GABRG3: variants seen among roughly 807,000 people sequenced by gnomAD.
The protein encoded by GABRG3 is gamma-aminobutyric acid receptor subunit gamma-3.
A neutral mutation model predicts 48.8 loss-of-function variants in GABRG3; 25 were observed. The observed-to-expected ratio is 0.51, with a 90% confidence interval of 0.37 to 0.72. The LOEUF (loss-of-function observed/expected upper bound fraction) is 0.72, where lower values mean the gene tolerates loss of function less well. Ranked by LOEUF, GABRG3 falls within the 30% of genes least tolerant of loss-of-function variation. The pLI is 0.00. For missense variants in GABRG3, 394 were observed against 577.9 expected (o/e 0.68, Z 3.26); for synonymous variants, 227 against 217.6 (o/e 1.04, Z -0.38).
intron 6 of GABRG3, among the ~76,000 whole-genome samples, chr15:27,501,021 G>C (rs1339046450): frequency 7.1e-6 from 1 of 141,366 alleles, no homozygotes; most frequent in Non-Finnish European, 1.5e-5. Context: ...GCGCGATCTC[G>C]GCTCACTGCA....
At position 27,255,007 on chromosome 15, in the gene GABRG3, C is replaced by T. The variant is rs76204600; in HGVS notation, c.271-71802C>T. On this transcript the variant is annotated intron_variant, in intron 3 of 9. Transcript: ENST00000615808. The stretch of plus-strand genomic sequence containing the variant: ...CCCTGCACCAGATGCCTCCCACGGC[C>T]ACTCTGGGCTCTGATCCCTCTGCTC... 5.3e-3 allele frequency among the ~76,000 whole-genome samples: 812 copies of T among 152,284 alleles called. 19 individuals are homozygous for T. The East Asian group carries it at 0.064, about 12-fold the overall frequency.
At chr15:27,005,525 C>T (rs28431127) in intron 2 of GABRG3, among the ~76,000 whole-genome samples, 73,842 of 152,070 alleles carry the variant, frequency 0.49, 18,641 homozygotes, top group Middle Eastern at 0.61. Context: ...ATGTTATCCT[C>T]TTTTACCCTT....
intron 3 of GABRG3, among the ~76,000 whole-genome samples, chr15:27,068,549 C>A (rs953007566): frequency 3.3e-5 from 5 of 152,254 alleles, no homozygotes; most frequent in Admixed American, 6.5e-5. Flanking sequence ...CCTCTGCTGA[C>A]AAAGCTTACT....
chr15:27,380,598 A>G (rs910033912), intron 5 of GABRG3, among the ~76,000 whole-genome samples: 1 of 152,060 alleles, frequency 6.6e-6, no homozygotes, highest in African/African-American at 2.4e-5. Context: ...GTCAGAGGCT[A>G]ACATTTTCTC....
At chr15:27,483,661 G>A (rs1890151203) in intron 6 of GABRG3, among the ~76,000 whole-genome samples, 1 of 152,196 alleles carries the variant, frequency 6.6e-6, no homozygotes, top group Non-Finnish European at 1.5e-5. Flanking sequence ...CCCTCTGGGT[G>A]AATCTGATGA....
chr15:27,265,881 G>GTTTTTTTTTTTTTTTTTTT (rs147459440), intron 3 of GABRG3, among the ~76,000 whole-genome samples: 3 of 124,860 alleles, frequency 2.4e-5, no homozygotes, highest in East Asian at 2.2e-4. Context: ...ATTTTCTCCT[G>GTTTTTTTTTTTTTTTTTTT]GTTTTTTTTT....
chr15:27,423,468 CTG>C (rs2140614499), intron 5 of GABRG3, among the ~76,000 whole-genome samples: 1 of 151,440 alleles, frequency 6.6e-6, no homozygotes, highest in South Asian at 2.1e-4. Context: ...ATTATCAAAT[CTG>C]GACTCAACAT....
chr15:27,263,826 T>A (rs1042838521), intron 3 of GABRG3, among the ~76,000 whole-genome samples: 1 of 151,120 alleles, frequency 6.6e-6, no homozygotes, highest in Non-Finnish European at 1.5e-5. Context: ...CTCCGGAGGC[T>A]GAGGCAGGAG....
chr15:27,401,896 C>G (rs1887484985), intron 5 of GABRG3, among the ~76,000 whole-genome samples: 1 of 152,108 alleles, frequency 6.6e-6, no homozygotes, highest in South Asian at 2.1e-4. Context: ...TATTCATTCC[C>G]TTGAATGAAA....
At chr15:27,375,188 T>G (rs1312908663) in intron 5 of GABRG3, among the ~76,000 whole-genome samples, 1 of 152,122 alleles carries the variant, frequency 6.6e-6, no homozygotes, top group Non-Finnish European at 1.5e-5. Context: ...CAGTCTCCCT[T>G]CATGAGATAT....
chr15:27,245,812 G>T (rs1186670754), intron 3 of GABRG3, among the ~76,000 whole-genome samples: 1 of 152,168 alleles, frequency 6.6e-6, no homozygotes, highest in Non-Finnish European at 1.5e-5. Context: ...GGCGGAGGTT[G>T]CAGTGCACTC....
intron 3 of GABRG3, among the ~76,000 whole-genome samples, chr15:27,046,194 A>G (rs1451378434): frequency 3.3e-5 from 5 of 151,984 alleles, no homozygotes; most frequent in African/African-American, 1.2e-4. Flanking sequence ...CCGGGGTTCA[A>G]GTGATTCTCC....
At position 27,369,018 on chromosome 15, in the gene GABRG3, T is replaced by C. The variant is rs535376276; in HGVS notation, c.574+40130T>C. Among the ~76,000 whole-genome samples the C allele has an allele frequency of 5.3e-5, 8 of 152,332 alleles. No individual in the cohort carries two copies. The South Asian group carries it at 1.7e-3, about 32-fold the overall frequency. On this transcript the variant is annotated intron_variant, in intron 5 of 9. Transcript: ENST00000615808. Reference sequence around the variant, plus strand: ...TTAAGTCATCCTTTCTCCTTCATTGTTTTGAAAAGTTTTATATGTTCACCA... The same window carrying C: ...TTAAGTCATCCTTTCTCCTTCATTGCTTTGAAAAGTTTTATATGTTCACCA...
intron 9 of GABRG3, chr15:27,530,627 G>T (rs566774515): frequency 2.8e-5 from 13 of 471,070 alleles, no homozygotes; most frequent in African/African-American, 2.2e-4. Context: ...CCATCCTGCT[G>T]CCCTGCCTGT....
intron 2 of GABRG3, among the ~76,000 whole-genome samples, chr15:27,025,315 T>C (rs1348553141): frequency 6.6e-6 from 1 of 152,234 alleles, no homozygotes; most frequent in African/African-American, 2.4e-5. Context: ...CCAACTGACT[T>C]AACACCCTTT....
At chr15:27,463,774 C>T (rs1279334337) in intron 5 of GABRG3, among the ~76,000 whole-genome samples, 1 of 152,140 alleles carries the variant, frequency 6.6e-6, no homozygotes, top group African/African-American at 2.4e-5. Flanking sequence ...AAAAGCTTGG[C>T]AATTTAGAAG....
At chr15:27,532,453 ACTCTCTC>A in intron 9 of GABRG3, 140 bp from the exon 10 acceptor site, 1 of 643,444 alleles carries the variant, frequency 1.6e-6, no homozygotes, top group Non-Finnish European at 2.4e-6. Context: ...AAAAAGACCA[ACTCTCTC>A]CAGCATGGGG....
chr15:27,161,653 C>T (rs1030666874), intron 3 of GABRG3, among the ~76,000 whole-genome samples: 2 of 152,012 alleles, frequency 1.3e-5, no homozygotes, highest in Non-Finnish European at 2.9e-5. Context: ...AATACTTTAG[C>T]ATTTTGAATA....
At chr15:27,293,677 C>G (rs1306658723) in intron 3 of GABRG3, among the ~76,000 whole-genome samples, 3 of 138,112 alleles carry the variant, frequency 2.2e-5, no homozygotes, top group African/African-American at 8.1e-5. Flanking sequence ...GATTCTGTCT[C>G]AAAAAAAACA....
Sources: allele counts gnomAD v4.1 joint callset (sites outside exome capture counted in the v4.1 genomes callset), GRCh38; gene constraint gnomAD v4.1.1; transcripts MANE v1.5; gene names NCBI Gene and HGNC (gene_info 2026-07-23, HGNC 2026-07-21).